The following ERCC8 variants were observed in gnomAD, a reference collection of about 807,000 sequenced individuals.
ERCC8 encodes the protein ERCC excision repair 8, CSA ubiquitin ligase complex subunit.
Under a neutral mutation model 54.9 loss-of-function variants are expected in ERCC8, and 52 were observed. The observed-to-expected ratio is 0.95, with a 90% CI of 0.76 to 1.19. The LOEUF (loss-of-function observed/expected upper bound fraction) is 1.19. Among genes scored for constraint, ERCC8 ranks in the 50% most tolerant of loss-of-function variants. The probability of loss-of-function intolerance (pLI) is 0.00; values close to 1 mark genes in which losing one functional copy is unlikely to be tolerated. For missense variants in ERCC8, 514 were observed against 466.1 expected, an observed-to-expected ratio of 1.10 and a Z score of -0.95; for synonymous variants, 146 against 157.2, an observed-to-expected ratio of 0.93 and a Z score of 0.53.
At chr5:60,912,072 C>T (rs572179339) in intron 4 of ERCC8, among the ~76,000 whole-genome samples, 2 of 151,962 alleles carry the variant, frequency 1.3e-5, no homozygotes, top group South Asian at 2.1e-4. Context: ...CTTGGTAATG[C>T]GGGCTCTTTT....
At chr5:60,886,441 C>A (rs1055831080) in intron 11 of ERCC8, among the ~76,000 whole-genome samples, 1 of 152,082 alleles carries the variant, frequency 6.6e-6, no homozygotes, top group African/African-American at 2.4e-5. Context: ...GTGGCTCATG[C>A]GTGTAATCCC....
chr5:60,928,894 G>A lies in ERCC8; in HGVS notation c.143C>T (p.Thr48Ile), dbSNP rs540126251. The change falls in exon 2 of 12, where the codon ACC becomes ATC. Residue 48 changes from threonine to isoleucine, a missense_variant. By Grantham distance (89) the Thr-to-Ile change is moderately conservative. Transcript: ENST00000676185. ...CCCTTCAACAGGTTCAATGTCAAGG[G>A]TGTTAATTCCACCGCCGTGGATTCT... ...VERIHGGGIN[T>I]LDIEPVEGRY... 2 of 1,605,368 alleles carry A rather than the reference G, an allele frequency of 1.2e-6. No individual in the cohort carries two copies. Among genetic ancestry groups the A allele is most frequent in the South Asian group, 1.1e-5 (1 of 90,672 alleles).
chr5:60,892,435 T>C, intron 9 of ERCC8: 2 of 555,152 alleles, frequency 3.6e-6, no homozygotes, highest in East Asian at 9.1e-5. Context: ...TTCTCAGCAC[T>C]GAGATGGGCA....
chr5:60,943,852 T>C (rs1327339498), intron 1 of ERCC8, among the ~76,000 whole-genome samples: 2 of 152,166 alleles, frequency 1.3e-5, no homozygotes, highest in Non-Finnish European at 2.9e-5. Context: ...AGGCTGATGA[T>C]GTGTCAGAGG....
chr5:60,905,742 T>C (rs879625769), intron 4 of ERCC8, among the ~76,000 whole-genome samples: 1 of 152,178 alleles, frequency 6.6e-6, no homozygotes, highest in Non-Finnish European at 1.5e-5. Flanking sequence ...ACCATGGCAT[T>C]GTAGTAAAGA....
intron 1 of ERCC8, among the ~76,000 whole-genome samples, chr5:60,937,407 AC>A (rs1232628673): frequency 1.3e-5 from 2 of 152,022 alleles, no homozygotes; most frequent in Admixed American, 1.3e-4. Context: ...GTAGAGAAAA[AC>A]CATCAGGTGG....
At position 60,932,769 on chromosome 5, in the gene ERCC8, T is replaced by G. The variant is rs1749946155; in HGVS notation, c.78-3810A>C. Among the ~76,000 whole-genome samples the G allele has an allele frequency of 1.3e-5, 2 of 152,086 alleles. 1 individual carries two copies. Among genetic ancestry groups the G allele is most frequent in the Admixed American group, 1.3e-4 (2 of 15,276 alleles). ...AAATCATAAAACCTGGGGATGGTCT[T>G]GAGGACTTCCCCCAACACAATGGCA... On this transcript the variant is annotated intron_variant, in intron 1 of 11. Transcript: ENST00000676185.
At chr5:60,888,163 A>G (rs1207462068) in intron 10 of ERCC8, among the ~76,000 whole-genome samples, 1 of 152,188 alleles carries the variant, frequency 6.6e-6, no homozygotes, top group African/African-American at 2.4e-5. Context: ...GTTTAATACA[A>G]TTTATTTTTA....
chr5:60,921,392 A>T (rs1749596214), intron 3 of ERCC8, among the ~76,000 whole-genome samples: 1 of 151,976 alleles, frequency 6.6e-6, no homozygotes, highest in Non-Finnish European at 1.5e-5. Flanking sequence ...TCATTATCAG[A>T]TTGAATGTAG....
chr5:60,879,918 C>G (rs1561493888), intron 11 of ERCC8, among the ~76,000 whole-genome samples: 2 of 152,172 alleles, frequency 1.3e-5, no homozygotes, highest in Admixed American at 6.5e-5. Flanking sequence ...ATGACATTAG[C>G]TGGTTATTTT....
At chr5:60,926,555 C>T (rs1749756396) in intron 2 of ERCC8, among the ~76,000 whole-genome samples, 1 of 152,200 alleles carries the variant, frequency 6.6e-6, no homozygotes, top group South Asian at 2.1e-4. Context: ...AGAAAGACTG[C>T]TAATAATGCC....
chr5:60,879,476 G>C (rs1321251902), intron 11 of ERCC8, among the ~76,000 whole-genome samples: 2 of 152,158 alleles, frequency 1.3e-5, no homozygotes, highest in Non-Finnish European at 2.9e-5. Context: ...GGGTGTTAAA[G>C]TCTCCCATTA....
At chr5:60,878,569 G>C (rs1748093392) in intron 11 of ERCC8, among the ~76,000 whole-genome samples, 1 of 152,188 alleles carries the variant, frequency 6.6e-6, no homozygotes, top group Non-Finnish European at 1.5e-5. Flanking sequence ...GGTCTATTCA[G>C]AGATTCAACT....
Position 60,938,078 on chromosome 5 carries a change from TATATATA to T in ERCC8, c.77+6847_77+6853del, listed in dbSNP as rs1327374695. On this transcript the variant is annotated intron_variant, in intron 1 of 11. Transcript: ENST00000676185. ...ATATATATATATATATATATATATA[TATATATA>T]TTTTATTTTTTTTTTTTTTAGGTTA... 2.8e-3 allele frequency among the ~76,000 whole-genome samples: 73 copies of T among 26,430 alleles called. 1 individual carries two copies. Among genetic ancestry groups the T allele is most frequent in the African/African-American group, 5.9e-3 (58 of 9,866 alleles). The allele number at this position is 26,430 out of a possible 152,430, so 17.3% of individuals were successfully genotyped here. A position where few individuals can be genotyped will look rare whatever the true frequency, so the allele number is the denominator to read the frequency against.
chr5:60,905,073 GA>G (rs1048644424), intron 4 of ERCC8, among the ~76,000 whole-genome samples, 200 bp from the exon 5 acceptor site: 6 of 151,352 alleles, frequency 4.0e-5, no homozygotes, highest in African/African-American at 7.3e-5. Flanking sequence ...TCCCTTCTAT[GA>G]AAAAAAATAT....
rs1476095782 is a variant in ERCC8, at chr5:60,928,863, C to T, written c.173+1G>A. On this transcript the variant is annotated splice_donor_variant, in intron 2 of 11. Coordinates refer to ENST00000676185, the MANE Select transcript of ERCC8 (RefSeq NM_000082.4). LOFTEE classifies it high-confidence loss of function. The stretch of plus-strand genomic sequence containing the variant: ...TGATTATACAAGTATAATAAACTTA[C>T]TATCTCCCTTCAACAGGTTCAATGT... The T allele has an allele frequency of 1.3e-6, 2 of 1,542,858 alleles. No individual in the cohort carries two copies. The highest frequency in any genetic ancestry group is 2.3e-5 in the East Asian group (1 of 44,358).
chr5:60,930,149 G>C (rs1021505369), intron 1 of ERCC8, among the ~76,000 whole-genome samples: 1 of 152,208 alleles, frequency 6.6e-6, no homozygotes, highest in African/African-American at 2.4e-5. Context: ...TGACAAGCAG[G>C]CCAGGCGCAG....
intron 11 of ERCC8, among the ~76,000 whole-genome samples, chr5:60,878,753 C>T (rs1748102898): frequency 6.6e-6 from 1 of 151,932 alleles, no homozygotes; most frequent in African/African-American, 2.4e-5. Flanking sequence ...TTTGATTCTG[C>T]TCTCTTTTCT....
rs78618185 is a variant in ERCC8, at chr5:60,902,507, A to T, written c.552T>A (p.Gly184=). The part of the protein sequence containing the change: ...KSGSCSHILQ[G]HRQEILAVSW... ...AAACTGCTAATATTTCTTGTCTGTG[A>T]CCTGCAAATACAACTATATGAAAAG... Residue 184 remains glycine, a splice_region_variant and synonymous_variant, in exon 7 of 12, where the codon GGT becomes GGA. Transcript: ENST00000676185. The T allele has an allele frequency of 1.3e-4, 217 of 1,610,206 alleles. 3 individuals are homozygous for T. In the East Asian group the frequency reaches 4.6e-3, roughly 34 times the overall value.
Sources: allele counts gnomAD v4.1 joint callset (sites outside exome capture counted in the v4.1 genomes callset), GRCh38; gene constraint gnomAD v4.1.1; transcripts MANE v1.5; gene names NCBI Gene and HGNC (gene_info 2026-07-23, HGNC 2026-07-21).